HSPA4L: variants seen among roughly 807,000 people sequenced by gnomAD.
HSPA4L encodes the protein heat shock 70 kDa protein 4L.
In HSPA4L, 48 loss-of-function variants were observed where a neutral mutation model predicts 100.3. The ratio of observed to expected loss-of-function variants is 0.48; its 90% CI spans 0.38 to 0.61. The LOEUF is 0.61. Ranked by LOEUF, HSPA4L falls within the 20% of genes least tolerant of loss-of-function variation. The pLI, the probability that HSPA4L is intolerant of heterozygous loss-of-function variation, is 0.00. For synonymous variants in HSPA4L, 319 were observed against 328.2 expected, an observed-to-expected ratio of 0.97 and a Z score of 0.30; for missense variants, 886 against 988.6, an observed-to-expected ratio of 0.90 and a Z score of 1.39.
At chr4:127,814,287 A>G (rs1202395504) in intron 12 of HSPA4L, among the ~76,000 whole-genome samples, 2 of 152,196 alleles carry the variant, frequency 1.3e-5, no homozygotes, top group Non-Finnish European at 2.9e-5. Context: ...GAATTTCTAG[A>G]TAGGTGATGT....
chr4:127,825,926 CAAA>C (rs78623521), intron 16 of HSPA4L, among the ~76,000 whole-genome samples: 1 of 57,222 alleles, frequency 1.7e-5, no homozygotes, highest in Non-Finnish European at 3.4e-5. Context: ...AACTCCATCT[CAAA>C]AAAAAAAAAA....
rs369705910 is a variant in HSPA4L, at chr4:127,795,855, A to T, written c.253A>T (p.Ile85Phe). The change falls in exon 3 of 19, where the codon ATC becomes TTC. Residue 85 changes from isoleucine (I) to phenylalanine (F), a missense_variant. Coordinates refer to ENST00000296464, the MANE Select transcript of HSPA4L (RefSeq NM_014278.4). ...FDDPIVQTERIRLPYELQKMP... is the reference protein window; with the variant it reads ...FDDPIVQTERFRLPYELQKMP... ...TGATCCCATTGTGCAAACTGAAAGG[A>T]TCAGGCTTCCCTATGAACTGCAGAA... is the stretch of plus-strand genomic sequence containing the variant. 1 of 1,613,664 alleles carries T rather than the reference A, an allele frequency of 6.2e-7. No individual in the cohort carries two copies. The highest frequency in any genetic ancestry group is 1.3e-5 in the African/African-American group (1 of 74,940).
chr4:127,782,522 T>A lies in HSPA4L; in HGVS notation c.-29T>A, dbSNP rs1204391845. ...ACGGTTCCCGTACCGAAGGGTTCAGTACCAGCAGCCCGACCATCACGCGGC... is the reference window on the plus strand; with the variant it reads ...ACGGTTCCCGTACCGAAGGGTTCAGAACCAGCAGCCCGACCATCACGCGGC... On this transcript the variant is annotated 5_prime_UTR_variant, in exon 1 of 19. Transcript: ENST00000296464. The A allele has an allele frequency of 6.3e-7, 1 of 1,585,968 alleles. No homozygotes were observed. The highest frequency in any genetic ancestry group is 2.2e-5 in the East Asian group (1 of 44,726).
chr4:127,801,785 T>G lies in HSPA4L; in HGVS notation c.530T>G (p.Val177Gly), dbSNP rs1733189764. The change falls in exon 6 of 19, where the codon GTT (valine) becomes GGT (glycine). Residue 177 changes from valine to glycine, a missense_variant and splice_region_variant. By Grantham distance (109) the Val-to-Gly change is moderately radical (BLOSUM62 -3). Transcript: ENST00000296464. ...AACATAATTCTTTGTTCTTATACAGTTGCACTGGCGTATGGAATTTATAAA... is the reference window on the plus strand; with the variant it reads ...AACATAATTCTTTGTTCTTATACAGGTGCACTGGCGTATGGAATTTATAAA... ...CLRLMNETTAVALAYGIYKQD... is the reference protein window; with the variant it reads ...CLRLMNETTAGALAYGIYKQD... The G allele has an allele frequency of 6.3e-7, 1 of 1,598,720 alleles. No individual in the cohort carries two copies. The highest frequency in any genetic ancestry group is 8.5e-7 in the Non-Finnish European group (1 of 1,174,472).
rs74325901 is a variant in HSPA4L at position 127,829,994 on chromosome 4, T to C, written c.2167-644T>C. ...CCATTTGTTTGTTTGGGGTTTTTTT[T>C]CTTCATATATATAGCTTTATGGTTT... On this transcript the variant is annotated intron_variant, in intron 17 of 18. Coordinates refer to ENST00000296464, the MANE Select transcript of HSPA4L (RefSeq NM_014278.4). Among the ~76,000 whole-genome samples, 849 of 152,154 alleles carry C rather than the reference T, an allele frequency of 5.6e-3. 8 individuals are homozygous for C. The highest frequency in any genetic ancestry group is 0.018 in the African/African-American group (759 of 41,520).
Position 127,801,128 on chromosome 4 carries a change from TA to T in HSPA4L, c.430-7del. 6.3e-7 allele frequency: 1 copy of T among 1,593,878 alleles called. No homozygotes were observed. On this transcript the variant is annotated splice_polypyrimidine_tract_variant and intron_variant, in intron 4 of 18. Coordinates refer to ENST00000296464, the MANE Select transcript of HSPA4L (RefSeq NM_014278.4). ...AAACATTATACTTAACTGTTGTTTT[TA>T]AATACTAGATTCCTAGCTTTTTTAC...
upstream of HSPA4L, chr4:127,782,255 G>A (rs1003223989): frequency 3.1e-5 from 13 of 414,950 alleles, no homozygotes; most frequent in Admixed American, 1.9e-4. Context: ...AGGCTCGCGC[G>A]CCTCCCGGGC....
At chr4:127,781,917 G>C, upstream of HSPA4L, 1 of 384,460 alleles carries the variant, frequency 2.6e-6, no homozygotes, top group South Asian at 1.9e-5. Context: ...TCCTGCCGCC[G>C]TGACAAGCAC....
chr4:127,832,426 A>G (rs1245970308), intron 18 of HSPA4L, among the ~76,000 whole-genome samples: 1 of 152,190 alleles, frequency 6.6e-6, no homozygotes, highest in Non-Finnish European at 1.5e-5. Context: ...TTTGATTATA[A>G]AGAAACAAGT....
intron 12 of HSPA4L, 66 bp downstream of exon 12, chr4:127,811,702 C>A: frequency 8.4e-7 from 1 of 1,193,328 alleles, no homozygotes; most frequent in Non-Finnish European, 1.2e-6. Context: ...TTAATCATAA[C>A]TGGGACTTTA....
rs1474229924 is a variant in HSPA4L, at chr4:127,794,104, T to G, written c.135T>G (p.Thr45=). Residue 45 remains threonine, a synonymous_variant, in exon 2 of 19, where the codon ACT becomes ACG. Transcript: ENST00000296464. ...CCTGTATATCATTGGGATCAAGAACTCGAGCCATTGGAAATGCAGCAAAGA... is the reference window on the plus strand; with the variant it reads ...CCTGTATATCATTGGGATCAAGAACGCGAGCCATTGGAAATGCAGCAAAGA... ...TPACISLGSR[T]RAIGNAAKSQ... 2 of 1,611,052 alleles carry G rather than the reference T, an allele frequency of 1.2e-6. No homozygotes were observed. The highest frequency in any genetic ancestry group is 2.2e-5 in the South Asian group (2 of 90,698).
At chr4:127,798,542 G>T in intron 3 of HSPA4L, 45 bp from the exon 4 acceptor site, 1 of 1,596,244 alleles carries the variant, frequency 6.3e-7, no homozygotes, top group East Asian at 2.2e-5. Context: ...ATATTTGTTG[G>T]ATAAACAAAT....
In HSPA4L at chr4:127,782,427, G is replaced by A. The variant is rs1367765730; in HGVS notation, c.-124G>A. ...CCCTGCCCTAGATTTTCTGCTTAGC[G>A]ACTTGGGGTCCCCTCTCGTTTGCTT... On this transcript the variant is annotated 5_prime_UTR_variant, in exon 1 of 19. Coordinates refer to ENST00000296464, the MANE Select transcript of HSPA4L (RefSeq NM_014278.4). 6 of 751,790 alleles carry A rather than the reference G, an allele frequency of 8.0e-6. No homozygotes were observed. The highest frequency in any genetic ancestry group is 2.7e-5 in the East Asian group (1 of 36,736). 46.6% of individuals were successfully genotyped at this position (751,790 alleles called of 1,614,324 possible).
At chr4:127,793,984 C>T (rs1176152875) in intron 1 of HSPA4L, 93 bp from the exon 2 acceptor site, 3 of 777,784 alleles carry the variant, frequency 3.9e-6, no homozygotes, top group Admixed American at 5.2e-5. Flanking sequence ...TTATATTTCT[C>T]CTTTTAAATT....
chr4:127,809,411 C>G, intron 11 of HSPA4L: 2 of 1,247,214 alleles, frequency 1.6e-6, no homozygotes, highest in Non-Finnish European at 2.4e-6. Context: ...TTGGATACTT[C>G]ATAACTCAAG....
At chr4:127,809,058 A>G (rs1733452290) in intron 11 of HSPA4L, 1 of 541,804 alleles carries the variant, frequency 1.8e-6, no homozygotes, top group African/African-American at 1.9e-5. Context: ...TACTGGATTA[A>G]TATGAAGGTG....
intron 14 of HSPA4L, among the ~76,000 whole-genome samples, chr4:127,821,927 G>C (rs898766612): frequency 6.6e-6 from 1 of 152,038 alleles, no homozygotes; most frequent in African/African-American, 2.4e-5. Flanking sequence ...AATGACATAG[G>C]CTATGTTTTC....
chr4:127,815,085 G>A (rs1733638075), intron 12 of HSPA4L, among the ~76,000 whole-genome samples: 1 of 151,942 alleles, frequency 6.6e-6, no homozygotes, highest in South Asian at 2.1e-4. Flanking sequence ...TGCTGGCTCT[G>A]AGGTAGATAA....
chr4:127,804,073 T>C lies in HSPA4L; in HGVS notation c.971T>C (p.Val324Ala). 1.2e-6 allele frequency: 2 copies of C among 1,613,814 alleles called. No homozygotes were observed. The highest frequency in any genetic ancestry group is 1.7e-6 in the Non-Finnish European group (2 of 1,179,776). Reference protein sequence around the residue: ...LARVEPPLKAVMEQANLQRED... With the variant: ...LARVEPPLKAAMEQANLQRED... ...AGGGTTGAACCACCTTTAAAAGCAGTAATGGAACAAGCTAGTAAGTGGAAA... is the reference window on the plus strand; with the variant it reads ...AGGGTTGAACCACCTTTAAAAGCAGCAATGGAACAAGCTAGTAAGTGGAAA... The change falls in exon 8 of 19, where the codon GTA (valine) becomes GCA (alanine). Residue 324 changes from valine (V) to alanine (A), a missense_variant. Transcript: ENST00000296464.
Sources: allele counts gnomAD v4.1 joint callset (sites outside exome capture counted in the v4.1 genomes callset), GRCh38; gene constraint gnomAD v4.1.1; transcripts MANE v1.5; gene names NCBI Gene and HGNC (gene_info 2026-07-23, HGNC 2026-07-21).